KHDRBS2: variants seen among roughly 807,000 people sequenced by gnomAD.
KHDRBS2 encodes the protein KH RNA binding domain containing, signal transduction associated 2, also known as KH domain-containing, RNA-binding, signal transduction-associated protein 2.
KHDRBS2 carries 26 observed loss-of-function variants against 44.3 expected under a neutral mutation model. The observed-to-expected ratio is 0.59, with a 90% CI of 0.43 to 0.81. The LOEUF (loss-of-function observed/expected upper bound fraction) is 0.81. Among genes scored for constraint, KHDRBS2 ranks in the 40% least tolerant of loss-of-function variants. The probability of loss-of-function intolerance (pLI) is 0.00; values close to 1 mark genes in which losing one functional copy is unlikely to be tolerated. For missense variants in KHDRBS2, 476 were observed against 433.1 expected, an observed-to-expected ratio of 1.10 and a Z score of -0.88; for synonymous variants, 194 against 151.1, an observed-to-expected ratio of 1.28 and a Z score of -2.08.
chr6:61,895,762 T>A (rs554267928), intron 5 of KHDRBS2, among the ~76,000 whole-genome samples: 1 of 152,246 alleles, frequency 6.6e-6, no homozygotes, highest in African/African-American at 2.4e-5. Flanking sequence ...GTGGGAACAC[T>A]AAAGCTTTGG....
intron 1 of KHDRBS2, among the ~76,000 whole-genome samples, chr6:62,180,802 C>T (rs1308115486): frequency 6.6e-6 from 1 of 151,636 alleles, no homozygotes; most frequent in Admixed American, 6.6e-5. Flanking sequence ...ATTATAAAGT[C>T]ATAGTAATCA....
intron 2 of KHDRBS2, among the ~76,000 whole-genome samples, chr6:62,106,656 C>T (rs544299908): frequency 6.6e-6 from 1 of 151,980 alleles, no homozygotes; most frequent in African/African-American, 2.4e-5. Context: ...ACATTTTAGA[C>T]CAATATCCTT....
chr6:61,551,449 T>A, the KHDRBS2 span, among the ~76,000 whole-genome samples: 1 of 152,150 alleles, frequency 6.6e-6, no homozygotes, highest in Non-Finnish European at 1.5e-5. Flanking sequence ...CCATTCCTAT[T>A]TCCAGAATGG....
At chr6:61,584,725 C>T in the KHDRBS2 span, among the ~76,000 whole-genome samples, 2 of 151,930 alleles carry the variant, frequency 1.3e-5, no homozygotes, top group East Asian at 3.9e-4. Context: ...AGTCATCCTA[C>T]ATAATACCTC....
At chr6:62,101,522 G>A (rs567770677) in intron 2 of KHDRBS2, among the ~76,000 whole-genome samples, 1 of 152,158 alleles carries the variant, frequency 6.6e-6, no homozygotes, top group African/African-American at 2.4e-5. Context: ...TTAGGTCACT[G>A]CAATAATCTT....
the KHDRBS2 span, among the ~76,000 whole-genome samples, chr6:61,579,218 C>T: frequency 9.2e-5 from 14 of 152,268 alleles, no homozygotes; most frequent in East Asian, 2.3e-3. Context: ...CAGTTCTGCT[C>T]ACAGAACTCT....
intron 2 of KHDRBS2, among the ~76,000 whole-genome samples, chr6:62,064,984 C>A (rs1191178407): frequency 2.0e-5 from 3 of 151,970 alleles, no homozygotes; most frequent in African/African-American, 4.8e-5. Flanking sequence ...CATGAACAGA[C>A]ACTTCTCAAA....
chr6:61,927,286 T>C (rs1462678950), intron 4 of KHDRBS2, among the ~76,000 whole-genome samples: 1 of 152,108 alleles, frequency 6.6e-6, no homozygotes, highest in African/African-American at 2.4e-5. Context: ...AAAAAACATA[T>C]GGTATAAATA....
At chr6:62,160,978 T>C (rs1258065969) in intron 2 of KHDRBS2, among the ~76,000 whole-genome samples, 1 of 152,082 alleles carries the variant, frequency 6.6e-6, no homozygotes, top group Non-Finnish European at 1.5e-5. Context: ...AACTCTCCAC[T>C]CATCCCGCTG....
intron 1 of KHDRBS2, among the ~76,000 whole-genome samples, chr6:62,231,025 T>C (rs1832814361): frequency 6.6e-6 from 1 of 152,216 alleles, no homozygotes; most frequent in South Asian, 2.1e-4. Context: ...ATTAAACACA[T>C]GAGCTATTAT....
chr6:61,566,536 T>G, the KHDRBS2 span, among the ~76,000 whole-genome samples: 1 of 152,154 alleles, frequency 6.6e-6, no homozygotes, highest in Non-Finnish European at 1.5e-5. Context: ...GTAATCATGA[T>G]GTAATCACCA....
chr6:62,227,306 T>C (rs1174125154), intron 1 of KHDRBS2, among the ~76,000 whole-genome samples: 5 of 152,348 alleles, frequency 3.3e-5, no homozygotes, highest in Admixed American at 1.3e-4. Context: ...AGTTGATTCA[T>C]GATTTGGCTC....
At chr6:62,272,747 G>T (rs572506747) in intron 1 of KHDRBS2, among the ~76,000 whole-genome samples, 1 of 152,226 alleles carries the variant, frequency 6.6e-6, no homozygotes, top group South Asian at 2.1e-4. Flanking sequence ...AAAGATTCAG[G>T]ATTCCAAGAA....
intron 4 of KHDRBS2, among the ~76,000 whole-genome samples, chr6:61,932,351 G>T (rs1416722142): frequency 2.0e-5 from 3 of 152,116 alleles, no homozygotes; most frequent in African/African-American, 7.2e-5. Context: ...TCACCTGGCG[G>T]TACAACACAT....
the KHDRBS2 span, among the ~76,000 whole-genome samples, chr6:61,615,364 G>A: frequency 2.0e-5 from 3 of 151,908 alleles, no homozygotes; most frequent in South Asian, 4.2e-4. Flanking sequence ...TTATTATTTG[G>A]TTCAAGTCTA....
chr6:61,808,470 T>C (rs1319792976), intron 6 of KHDRBS2, among the ~76,000 whole-genome samples: 2 of 152,128 alleles, frequency 1.3e-5, no homozygotes, highest in Admixed American at 6.6e-5. Flanking sequence ...GTAATTACAA[T>C]GAAACTGAGT....
chr6:61,637,754 T>A, the KHDRBS2 span, among the ~76,000 whole-genome samples: 1 of 152,116 alleles, frequency 6.6e-6, no homozygotes, highest in Non-Finnish European at 1.5e-5. Context: ...TATCTCATTG[T>A]GGTTTTGATT....
intron 3 of KHDRBS2, among the ~76,000 whole-genome samples, chr6:62,034,304 C>T (rs140251209): frequency 3.3e-5 from 5 of 151,902 alleles, no homozygotes; most frequent in East Asian, 1.9e-4. Flanking sequence ...AGAGGAGAAA[C>T]GAATACTAAC....
chr6:61,739,358 T>C (rs1420824064), intron 6 of KHDRBS2, among the ~76,000 whole-genome samples: 3 of 151,912 alleles, frequency 2.0e-5, no homozygotes, highest in African/African-American at 7.2e-5. Context: ...ATCTCAAATA[T>C]GTATGTCAGA....
Sources: gnomAD v4.1 joint callset for allele counts (sites outside exome capture counted in the v4.1 genomes callset) on GRCh38, gnomAD v4.1.1 for gene constraint, MANE v1.5 for transcripts, NCBI Gene and HGNC (gene_info 2026-07-23, HGNC 2026-07-21) for gene names.